GNAT3: variants seen among roughly 807,000 people sequenced by gnomAD.
GNAT3 encodes G protein subunit alpha transducin 3.
In GNAT3, 31 loss-of-function variants were observed where a neutral mutation model predicts 37.7. That is an observed-to-expected ratio of 0.82 (90% CI 0.62 to 1.11). GNAT3 has a LOEUF of 1.11. Ranked by LOEUF, GNAT3 falls within the 50% of genes most tolerant of loss-of-function variation. The pLI is 0.00. For missense variants in GNAT3, 437 were observed against 412.5 expected, an observed-to-expected ratio of 1.06 and a Z score of -0.51; for synonymous variants, 138 against 139.8, an observed-to-expected ratio of 0.99 and a Z score of 0.09.
intron 5 of GNAT3, among the ~76,000 whole-genome samples, chr7:80,465,348 T>C (rs763828173): frequency 6.6e-6 from 1 of 152,186 alleles, no homozygotes; most frequent in Non-Finnish European, 1.5e-5. Flanking sequence ...TTAACACACC[T>C]AATAAGAGTT....
chr7:80,479,284 A>G (rs1450670677), intron 3 of GNAT3, among the ~76,000 whole-genome samples: 1 of 152,154 alleles, frequency 6.6e-6, no homozygotes, highest in East Asian at 1.9e-4. Context: ...GAGGATAATA[A>G]TACTTTGCTG....
intron 1 of GNAT3, among the ~76,000 whole-genome samples, chr7:80,510,791 G>A (rs1170763722): frequency 6.6e-6 from 1 of 152,082 alleles, no homozygotes; most frequent in East Asian, 1.9e-4. Context: ...GAGCAAATTA[G>A]ACACAACGAA....
intron 1 of GNAT3, among the ~76,000 whole-genome samples, chr7:80,510,475 G>A (rs1298188434): frequency 6.6e-5 from 10 of 152,120 alleles, no homozygotes; most frequent in African/African-American, 2.4e-4. Context: ...ATATAAAAAT[G>A]AATTTGTAAG....
chr7:80,506,918 G>A (rs980518610), intron 1 of GNAT3, among the ~76,000 whole-genome samples: 2 of 151,924 alleles, frequency 1.3e-5, no homozygotes, highest in South Asian at 4.2e-4. Flanking sequence ...AATGCAATAC[G>A]ATGTCATTAA....
At chr7:80,480,898 G>C (rs147501745) in intron 3 of GNAT3, among the ~76,000 whole-genome samples, 3 of 152,114 alleles carry the variant, frequency 2.0e-5, no homozygotes, top group East Asian at 1.9e-4. Flanking sequence ...TTAACTGTCT[G>C]GGAATGAAGC....
At chr7:80,465,589 T>C (rs1179066513) in intron 5 of GNAT3, among the ~76,000 whole-genome samples, 1 of 152,144 alleles carries the variant, frequency 6.6e-6, no homozygotes, top group African/African-American at 2.4e-5. Flanking sequence ...GTGAAAGTTG[T>C]TAACTTGCTA....
At chr7:80,464,253 G>A (rs1790098675) in intron 5 of GNAT3, among the ~76,000 whole-genome samples, 2 of 151,980 alleles carry the variant, frequency 1.3e-5, no homozygotes, top group Admixed American at 1.3e-4. Context: ...TAGGGGGTGG[G>A]TTGTCATTTG....
chr7:80,506,391 A>G (rs1003424973), intron 1 of GNAT3, among the ~76,000 whole-genome samples: 2 of 152,180 alleles, frequency 1.3e-5, no homozygotes. Flanking sequence ...AATTGAGATA[A>G]ATGCATCTAA....
chr7:80,491,444 G>A (rs1230322046), intron 2 of GNAT3, among the ~76,000 whole-genome samples: 1 of 152,186 alleles, frequency 6.6e-6, no homozygotes, highest in Non-Finnish European at 1.5e-5. Context: ...AGATTCTGGT[G>A]AAAATCATAG....
chr7:80,461,340 GA>G lies in GNAT3; in HGVS notation c.874+818del, dbSNP rs1790046596. Reference sequence around the variant, plus strand: ...AGGTGGACAGATCACCTGAGGTCAAGAGTTCAAGACCAGCCTTGGCAAACAT... The same window carrying G: ...AGGTGGACAGATCACCTGAGGTCAAGGTTCAAGACCAGCCTTGGCAAACAT... On this transcript the variant is annotated intron_variant, in intron 7 of 7. Coordinates refer to ENST00000398291, the MANE Select transcript of GNAT3 (RefSeq NM_001102386.3). Among the ~76,000 whole-genome samples the G allele has an allele frequency of 2.6e-5, 4 of 152,144 alleles. No individual in the cohort carries two copies. In the South Asian group the frequency reaches 8.3e-4, roughly 32 times the overall value.
chr7:80,488,952 G>A lies in GNAT3; in HGVS notation c.162-276C>T, dbSNP rs544171889. Among the ~76,000 whole-genome samples the A allele has an allele frequency of 8.9e-4, 136 of 152,142 alleles. 1 individual carries two copies. Among genetic ancestry groups the A allele is most frequent in the Middle Eastern group, 3.4e-3 (1 of 294 alleles). The stretch of plus-strand genomic sequence containing the variant: ...CTTTTTTAAAATGGGTAAATCATAA[G>A]CATTATACTTAGAAAGTCTATTTTT... On this transcript the variant is annotated intron_variant, in intron 2 of 7. Coordinates refer to ENST00000398291, the MANE Select transcript of GNAT3 (RefSeq NM_001102386.3).
chr7:80,494,683 T>C (rs6975345), intron 1 of GNAT3, 36 bp from the exon 2 acceptor site: 185,172 of 1,219,388 alleles, frequency 0.15, 24,585 homozygotes, highest in African/African-American at 0.68. Context: ...TTAACTGATA[T>C]ACCAAATTTG....
intron 1 of GNAT3, among the ~76,000 whole-genome samples, chr7:80,499,303 C>A (rs1461253592): frequency 2.0e-5 from 3 of 152,150 alleles, no homozygotes; most frequent in Non-Finnish European, 4.4e-5. Flanking sequence ...TAAGTAGGCA[C>A]TGATAAATAC....
chr7:80,503,280 T>G (rs1393422458), intron 1 of GNAT3, among the ~76,000 whole-genome samples: 1 of 152,198 alleles, frequency 6.6e-6, no homozygotes, highest in Non-Finnish European at 1.5e-5. Context: ...TCACCATACA[T>G]GCATTCTTTC....
chr7:80,464,141 G>T (rs1045583703), intron 5 of GNAT3, among the ~76,000 whole-genome samples: 1 of 148,872 alleles, frequency 6.7e-6, no homozygotes, highest in African/African-American at 2.4e-5. Context: ...TATCCTATAG[G>T]ATATCCAAAA....
intron 5 of GNAT3, among the ~76,000 whole-genome samples, chr7:80,470,233 T>C (rs1562721229): frequency 1.3e-5 from 2 of 152,164 alleles, no homozygotes; most frequent in South Asian, 4.1e-4. Context: ...TTTTTTTTTC[T>C]TTTTTTGAGA....
intron 3 of GNAT3, among the ~76,000 whole-genome samples, chr7:80,487,117 C>T (rs1790499758): frequency 6.6e-6 from 1 of 152,034 alleles, no homozygotes; most frequent in South Asian, 2.1e-4. Context: ...ACCAACTAAT[C>T]TTTGAGCCTT....
chr7:80,496,810 G>C (rs983132770), intron 1 of GNAT3, among the ~76,000 whole-genome samples: 1 of 151,060 alleles, frequency 6.6e-6, no homozygotes, highest in African/African-American at 2.4e-5. Flanking sequence ...TCGATGAACA[G>C]ATATAGCTAC....
At position 80,461,710 on chromosome 7, in the gene GNAT3, A is replaced by C. The variant is rs979144989; in HGVS notation, c.874+449T>G. 3.3e-5 allele frequency among the ~76,000 whole-genome samples: 5 copies of C among 152,282 alleles called. No individual in the cohort carries two copies. In the East Asian group the frequency reaches 5.8e-4, roughly 18 times the overall value. On this transcript the variant is annotated intron_variant, in intron 7 of 7. Coordinates refer to ENST00000398291, the MANE Select transcript of GNAT3 (RefSeq NM_001102386.3). The stretch of plus-strand genomic sequence containing the variant: ...ATTCCAGGATCCACGAAAACCGGAA[A>C]ATGAAGATGTCATTATTCATTCTCA...
Sources: allele counts gnomAD v4.1 joint callset (sites outside exome capture counted in the v4.1 genomes callset), GRCh38; gene constraint gnomAD v4.1.1; transcripts MANE v1.5; gene names NCBI Gene and HGNC (gene_info 2026-07-23, HGNC 2026-07-21).